Variants in CMSS1 observed in about 807,000 individuals in gnomAD.
CMSS1 encodes the protein protein CMSS1.
Under a neutral mutation model 43.5 loss-of-function variants are expected in CMSS1, and 33 were observed. The ratio of observed to expected loss-of-function variants is 0.76; its 90% confidence interval spans 0.57 to 1.01. The LOEUF is 1.01. CMSS1 is among the 50% of genes least tolerant of loss of function. The probability of loss-of-function intolerance (pLI) is 0.00; values close to 1 mark genes in which losing one functional copy is unlikely to be tolerated. For missense variants in CMSS1, 313 were observed against 326.4 expected, an observed-to-expected ratio of 0.96 and a Z score of 0.32; for synonymous variants, 115 against 117.2, an observed-to-expected ratio of 0.98 and a Z score of 0.12.
chr3:99,917,184 C>T lies in CMSS1; in HGVS notation c.64+99141C>T, dbSNP rs7612089. 4.5e-3 allele frequency among the ~76,000 whole-genome samples: 689 copies of T among 152,266 alleles called. 7 individuals are homozygous for T. The highest frequency in any genetic ancestry group is 0.016 in the African/African-American group (676 of 41,544). ...CTGTATGTCCTGCATTCTCCTAGGG[C>T]TGTGCTGGCTGTTGGATAATTACTG... On this transcript the variant is annotated intron_variant, in intron 1 of 9. Coordinates refer to ENST00000421999, the MANE Select transcript of CMSS1 (RefSeq NM_032359.4).
chr3:100,130,728 C>G (rs368515579), intron 1 of CMSS1, among the ~76,000 whole-genome samples: 1 of 152,058 alleles, frequency 6.6e-6, no homozygotes, highest in Non-Finnish European at 1.5e-5. Flanking sequence ...ACATATTGTA[C>G]AATGTGTAGT....
intron 1 of CMSS1, among the ~76,000 whole-genome samples, chr3:100,046,316 C>T (rs1009716754): frequency 6.6e-6 from 1 of 152,044 alleles, no homozygotes; most frequent in Non-Finnish European, 1.5e-5. Context: ...TCAGACATGT[C>T]TTAAAAAGGG....
intron 1 of CMSS1, among the ~76,000 whole-genome samples, chr3:99,886,919 A>C (rs578167600): frequency 2.0e-5 from 3 of 151,394 alleles, no homozygotes; most frequent in Admixed American, 2.0e-4. Context: ...GTAGTGAGCC[A>C]AGATCATGCA....
intron 1 of CMSS1, among the ~76,000 whole-genome samples, chr3:100,132,364 C>T (rs986954823): frequency 1.3e-4 from 20 of 151,976 alleles, no homozygotes; most frequent in African/African-American, 4.4e-4. Context: ...GATGGCACCA[C>T]GGCACTGCAG....
rs1001043997 is a variant in CMSS1, at chr3:100,181,034, G to A, written c.*2646G>A. The A allele has an allele frequency of 6.6e-6, 1 of 152,214 alleles. No homozygotes were observed. Among genetic ancestry groups the A allele is most frequent in the African/African-American group, 2.4e-5 (1 of 41,442 alleles). 9.4% of individuals were successfully genotyped at this position (152,214 alleles called of 1,614,324 possible). A position where few individuals can be genotyped will look rare whatever the true frequency, so the allele number is the denominator to read the frequency against. ...AGAGAGCAAGAGAGTGAAGGGGGAA[G>A]TGCTATACACTTTTAAACAATCAGA... is the stretch of plus-strand genomic sequence containing the variant. On this transcript the variant is annotated 3_prime_UTR_variant, in exon 10 of 10. Transcript: ENST00000421999.
chr3:99,964,077 TAA>T (rs1253778379), intron 1 of CMSS1, among the ~76,000 whole-genome samples: 3 of 152,062 alleles, frequency 2.0e-5, no homozygotes, highest in Admixed American at 1.3e-4. Context: ...GTTATGTGAT[TAA>T]ATAAAAACAG....
At chr3:100,154,858 G>A (rs779104753) in intron 2 of CMSS1, among the ~76,000 whole-genome samples, 3 of 152,124 alleles carry the variant, frequency 2.0e-5, no homozygotes, top group Admixed American at 2.0e-4. Context: ...TGTAATCCCA[G>A]CTACTCAGGA....
chr3:100,152,866 C>A lies in CMSS1; in HGVS notation c.153+5805C>A, dbSNP rs564196705. On this transcript the variant is annotated intron_variant, in intron 2 of 9. Transcript: ENST00000421999. ...TTTTCTTTCTTCAAGCCCTCACCTTCCATGTCTTCAAAGTCCAAAATTTCA... is the reference window on the plus strand; with the variant it reads ...TTTTCTTTCTTCAAGCCCTCACCTTACATGTCTTCAAAGTCCAAAATTTCA... 3.5e-4 allele frequency among the ~76,000 whole-genome samples: 53 copies of A among 152,334 alleles called. 1 individual carries two copies. Among genetic ancestry groups the A allele is most frequent in the South Asian group, 1.4e-3 (7 of 4,830 alleles).
intron 2 of CMSS1, among the ~76,000 whole-genome samples, chr3:100,148,343 G>T (rs996340946): frequency 1.3e-5 from 2 of 152,190 alleles, no homozygotes; most frequent in Non-Finnish European, 2.9e-5. Context: ...GCCTCCCAAA[G>T]TGCTGGGATT....
At chr3:100,154,375 A>G (rs1392782589) in intron 2 of CMSS1, among the ~76,000 whole-genome samples, 2 of 151,982 alleles carry the variant, frequency 1.3e-5, no homozygotes. Flanking sequence ...TTGCTGAGTC[A>G]TCTTCAATTT....
intron 1 of CMSS1, among the ~76,000 whole-genome samples, chr3:99,899,815 G>A (rs763418342): frequency 8.5e-5 from 13 of 152,218 alleles, no homozygotes; most frequent in Admixed American, 3.3e-4. Flanking sequence ...CTGTGCCACC[G>A]TTTTCTCATC....
chr3:99,955,443 T>G (rs908688244), intron 1 of CMSS1, among the ~76,000 whole-genome samples: 2 of 152,214 alleles, frequency 1.3e-5, no homozygotes, highest in African/African-American at 4.8e-5. Flanking sequence ...ATTTGCTTTG[T>G]GCTTGGCTCT....
At chr3:99,926,187 T>C (rs1452222040) in intron 1 of CMSS1, among the ~76,000 whole-genome samples, 1 of 152,228 alleles carries the variant, frequency 6.6e-6, no homozygotes, top group Non-Finnish European at 1.5e-5. Flanking sequence ...GGGCACAAAA[T>C]GACCAAGTCA....
chr3:100,132,513 C>T (rs963309404), intron 1 of CMSS1, among the ~76,000 whole-genome samples: 16 of 151,934 alleles, frequency 1.1e-4, no homozygotes, highest in African/African-American at 3.9e-4. Flanking sequence ...CAGTTAAGAA[C>T]ATTCTATGCA....
At chr3:100,110,688 G>C (rs917646241) in intron 1 of CMSS1, among the ~76,000 whole-genome samples, 23 of 152,222 alleles carry the variant, frequency 1.5e-4, no homozygotes, top group Admixed American at 4.6e-4. Context: ...TCCATTCACT[G>C]CTCTGCTCAG....
At chr3:100,091,318 G>A (rs2066105156) in intron 1 of CMSS1, among the ~76,000 whole-genome samples, 1 of 151,392 alleles carries the variant, frequency 6.6e-6, no homozygotes, top group Non-Finnish European at 1.5e-5. Context: ...AAGAAACCCT[G>A]CCTTTAAGGG....
chr3:100,020,004 G>C (rs1388601337), intron 1 of CMSS1, among the ~76,000 whole-genome samples: 1 of 152,068 alleles, frequency 6.6e-6, no homozygotes, highest in Non-Finnish European at 1.5e-5. Flanking sequence ...TATTTTCTGA[G>C]TAATATCACT....
At chr3:100,036,099 A>G (rs2065102460) in intron 1 of CMSS1, among the ~76,000 whole-genome samples, 1 of 152,234 alleles carries the variant, frequency 6.6e-6, no homozygotes, top group South Asian at 2.1e-4. Flanking sequence ...AACTTAATAT[A>G]AAAGGAATTA....
At chr3:99,863,698 C>T (rs554338424) in intron 1 of CMSS1, among the ~76,000 whole-genome samples, 49 of 152,226 alleles carry the variant, frequency 3.2e-4, no homozygotes, top group African/African-American at 1.2e-3. Context: ...AAATATTTGA[C>T]ACATATTTCA....
Sources: allele counts gnomAD v4.1 joint callset (sites outside exome capture counted in the v4.1 genomes callset), GRCh38; gene constraint gnomAD v4.1.1; transcripts MANE v1.5; gene names NCBI Gene and HGNC (gene_info 2026-07-23, HGNC 2026-07-21).